The following GRB2 variants were observed in gnomAD, a reference collection of about 807,000 sequenced individuals.
The protein encoded by GRB2 is growth factor receptor bound protein 2.
A neutral mutation model predicts 27.4 loss-of-function variants in GRB2; 2 were observed. That is an observed-to-expected ratio of 0.07 (90% CI 0.03 to 0.23). GRB2 has a LOEUF of 0.23. GRB2 is among the 10% of genes least tolerant of loss of function. GRB2 has a pLI of 1.00. For synonymous variants in GRB2, 94 were observed against 99.6 expected (o/e 0.94, Z 0.33); for missense variants, 102 against 282.4 (o/e 0.36, Z 4.58).
At chr17:75,349,862 T>C (rs544589643) in intron 2 of GRB2, among the ~76,000 whole-genome samples, 2 of 152,052 alleles carry the variant, frequency 1.3e-5, no homozygotes, top group East Asian at 1.9e-4. Context: ...CTGCCTCACT[T>C]TGGATGATCA....
At chr17:75,343,441 T>A (rs141902592) in intron 2 of GRB2, among the ~76,000 whole-genome samples, 1,762 of 152,330 alleles carry the variant, frequency 0.012, 36 homozygotes, top group African/African-American at 0.039. Context: ...TTCTTTATAA[T>A]GTTCATACAT....
At chr17:75,391,365 G>A (rs2078997123) in intron 2 of GRB2, among the ~76,000 whole-genome samples, 2 of 152,102 alleles carry the variant, frequency 1.3e-5, no homozygotes, top group African/African-American at 4.8e-5. Flanking sequence ...TGTTAAACAG[G>A]ATCTTCTTCC....
At chr17:75,329,962 C>A (rs528647746) in intron 3 of GRB2, among the ~76,000 whole-genome samples, 1 of 152,070 alleles carries the variant, frequency 6.6e-6, no homozygotes, top group Non-Finnish European at 1.5e-5. Context: ...TACATGCTTA[C>A]GGGTGAATTT....
At chr17:75,396,425 T>A (rs1226999074) in intron 1 of GRB2, among the ~76,000 whole-genome samples, 4 of 152,080 alleles carry the variant, frequency 2.6e-5, no homozygotes, top group African/African-American at 9.7e-5. Context: ...CTATTTTTTG[T>A]AGAGACAGGG....
intron 2 of GRB2, among the ~76,000 whole-genome samples, chr17:75,380,688 C>T (rs1178901931): frequency 6.6e-6 from 1 of 152,078 alleles, no homozygotes; most frequent in Non-Finnish European, 1.5e-5. Flanking sequence ...TGAATACATG[C>T]CATATTTCTC....
At chr17:75,385,709 TAA>T (rs2078959679) in intron 2 of GRB2, among the ~76,000 whole-genome samples, 1 of 152,152 alleles carries the variant, frequency 6.6e-6, no homozygotes, top group Non-Finnish European at 1.5e-5. Flanking sequence ...TGCGTGAGAT[TAA>T]AAGAGAAGGG....
intron 1 of GRB2, among the ~76,000 whole-genome samples, chr17:75,402,647 A>G (rs1347863804): frequency 6.6e-6 from 1 of 152,186 alleles, no homozygotes; most frequent in Admixed American, 6.5e-5. Context: ...ACCAGAACCT[A>G]ATTTTAAAAA....
At chr17:75,356,403 G>A (rs1368175834) in intron 2 of GRB2, among the ~76,000 whole-genome samples, 1 of 152,108 alleles carries the variant, frequency 6.6e-6, no homozygotes, top group African/African-American at 2.4e-5. Context: ...AGCTACTTGG[G>A]AGGCTGAGGC....
rs558296646 is a variant in GRB2, at chr17:75,338,513, T to C, written c.79-5716A>G. ...CTTCAGCTTTAAAATCTCCAAGGAA[T>C]GTTTTTAGCTATTACCCCACAGCTG... On this transcript the variant is annotated intron_variant, in intron 2 of 5. Coordinates refer to ENST00000316804, the MANE Select transcript of GRB2 (RefSeq NM_002086.5). 2.6e-5 allele frequency among the ~76,000 whole-genome samples: 4 copies of C among 152,330 alleles called. No individual in the cohort carries two copies. The South Asian group carries it at 8.3e-4, about 32-fold the overall frequency.
At chr17:75,392,979 AT>A (rs2079007974) in intron 2 of GRB2, among the ~76,000 whole-genome samples, 1 of 152,220 alleles carries the variant, frequency 6.6e-6, no homozygotes, top group South Asian at 2.1e-4. Flanking sequence ...GACTTGTACA[AT>A]AGCAGGTTGC....
At chr17:75,355,673 C>T (rs1242378347) in intron 2 of GRB2, among the ~76,000 whole-genome samples, 1 of 151,716 alleles carries the variant, frequency 6.6e-6, no homozygotes, top group Non-Finnish European at 1.5e-5. Context: ...TGTGTTGGGC[C>T]GCCTTCAAAG....
At chr17:75,354,843 G>A (rs1300920895) in intron 2 of GRB2, among the ~76,000 whole-genome samples, 1 of 152,194 alleles carries the variant, frequency 6.6e-6, no homozygotes, top group Non-Finnish European at 1.5e-5. Flanking sequence ...GATAGGAAGG[G>A]CGCACTGAGA....
At chr17:75,405,207 C>G (rs2079091642) in intron 1 of GRB2, 2 of 152,242 alleles carry the variant, frequency 1.3e-5, no homozygotes, top group Middle Eastern at 3.4e-3. Context: ...CCCTTCCGTG[C>G]AAACCCTCCC....
intron 2 of GRB2, among the ~76,000 whole-genome samples, chr17:75,374,196 A>G (rs1298773295): frequency 6.6e-6 from 1 of 151,742 alleles, no homozygotes; most frequent in Non-Finnish European, 1.5e-5. Context: ...ATCTGAGGTC[A>G]GGAGTTTGAG....
At position 75,389,904 on chromosome 17, in the gene GRB2, A is replaced by T. The variant is rs59469567; in HGVS notation, c.78+3647T>A. On this transcript the variant is annotated intron_variant, in intron 2 of 5. Coordinates refer to ENST00000316804, the MANE Select transcript of GRB2 (RefSeq NM_002086.5). ...AAAGATCTTTTCCTGTTCTAAAAAA[A>T]TTTTTATATACCATCTTGTACTGTT... 4.4e-3 allele frequency among the ~76,000 whole-genome samples: 666 copies of T among 152,270 alleles called. 4 individuals are homozygous for T. The highest frequency in any genetic ancestry group is 0.015 in the African/African-American group (623 of 41,558).
chr17:75,384,360 T>C (rs999642937), intron 2 of GRB2, among the ~76,000 whole-genome samples: 9 of 152,206 alleles, frequency 5.9e-5, no homozygotes, highest in African/African-American at 2.2e-4. Context: ...TATCTGAATG[T>C]AACTTTTTTC....
In GRB2 at chr17:75,393,537, G is replaced by C; in HGVS notation, c.78+14C>G. The C allele has an allele frequency of 6.2e-7, 1 of 1,605,038 alleles. No homozygotes were observed. Among genetic ancestry groups the C allele is most frequent in the Non-Finnish European group, 8.5e-7 (1 of 1,171,660 alleles). ...GAGAGCGATCTCAGCATTGTGCTCG[G>C]CATCAGCACTTACCTTGAGGATGTC... is the stretch of plus-strand genomic sequence containing the variant. On this transcript the variant is annotated intron_variant, in intron 2 of 5. Coordinates refer to ENST00000316804, the MANE Select transcript of GRB2 (RefSeq NM_002086.5).
chr17:75,360,940 A>AT (rs923250588), intron 2 of GRB2, among the ~76,000 whole-genome samples: 414 of 144,620 alleles, frequency 2.9e-3, no homozygotes, highest in African/African-American at 9.3e-3. Context: ...GCTAATTTTA[A>AT]TTTTTTTTTT....
In GRB2 at chr17:75,320,058, C is replaced by A; in HGVS notation, c.*310G>T. On this transcript the variant is annotated 3_prime_UTR_variant, in exon 6 of 6. Transcript: ENST00000316804. This position sits in a 1 kb window ranked among gnomAD's most constrained non-coding sequence, Gnocchi z 4.3. ...TGGCGTCAGCTAGGACTATACGTGG[C>A]CTTAAACGTCATGCACTGATGGACA... is the stretch of plus-strand genomic sequence containing the variant. The A allele has an allele frequency of 3.9e-6, 1 of 257,282 alleles. No homozygotes were observed. 15.9% of individuals were successfully genotyped at this position (257,282 alleles called of 1,614,324 possible). A position where few individuals can be genotyped will look rare whatever the true frequency, so the allele number is the denominator to read the frequency against.
Sources: gnomAD v4.1 joint callset for allele counts (sites outside exome capture counted in the v4.1 genomes callset) on GRCh38, gnomAD v4.1.1 for gene constraint, Gnocchi (gnomAD v3.1) non-coding constraint, MANE v1.5 for transcripts, NCBI Gene and HGNC (gene_info 2026-07-23, HGNC 2026-07-21) for gene names.